Variants in IL17RA observed in about 807,000 individuals in gnomAD.
IL17RA encodes the protein interleukin-17 receptor A.
In IL17RA, 34 loss-of-function variants were observed where a neutral mutation model predicts 50.4. The observed-to-expected ratio is 0.67, with a 90% CI of 0.51 to 0.90. The LOEUF (loss-of-function observed/expected upper bound fraction) is 0.90, where lower values mean the gene tolerates loss of function less well. Ranked by LOEUF, IL17RA falls within the 40% of genes least tolerant of loss-of-function variation. IL17RA has a pLI of 0.00. For missense variants in IL17RA, 1,276 were observed against 1,169.8 expected (o/e 1.09, Z -1.32); for synonymous variants, 585 against 510.4 (o/e 1.15, Z -1.97).
intron 1 of IL17RA, among the ~76,000 whole-genome samples, chr22:17,094,677 C>A (rs1272530928): frequency 0.15 from 7,300 of 48,238 alleles, 1,289 homozygotes; most frequent in Middle Eastern, 0.23. Flanking sequence ...CTCTCTCTCT[C>A]TCTCTCTCTC....
At chr22:17,090,535 C>T (rs1290222619) in intron 1 of IL17RA, among the ~76,000 whole-genome samples, 1 of 152,152 alleles carries the variant, frequency 6.6e-6, no homozygotes, top group Non-Finnish European at 1.5e-5. Context: ...CTGCGCCACC[C>T]CTAAACCTGC....
intron 1 of IL17RA, among the ~76,000 whole-genome samples, chr22:17,086,235 C>G (rs1458185160): frequency 6.6e-6 from 1 of 152,256 alleles, no homozygotes; most frequent in East Asian, 1.9e-4. Flanking sequence ...CCACCTCCAC[C>G]TCCACCTCCA....
Position 17,108,683 on chromosome 22 carries a change from G to C in IL17RA, c.1464G>C (p.Pro488=). ...CTGCAGCCATGAACATGATCCTCCC[G>C]GACTTCAAGAGGCCAGCCTGCTTCG... ...LFTAAMNMIL[P]DFKRPACFGT... Residue 488 remains proline (P), a synonymous_variant, in exon 13 of 13, where the codon CCG becomes CCC. Transcript: ENST00000319363. The C allele has an allele frequency of 6.2e-7, 1 of 1,608,742 alleles. No homozygotes were observed. Among genetic ancestry groups the C allele is most frequent in the South Asian group, 1.1e-5 (1 of 91,072 alleles).
chr22:17,087,483 CAG>C (rs1400950631), intron 1 of IL17RA, among the ~76,000 whole-genome samples: 1 of 152,236 alleles, frequency 6.6e-6, no homozygotes, highest in Non-Finnish European at 1.5e-5. Flanking sequence ...GTTCCTAGCT[CAG>C]TGCTGGAGCA....
intron 1 of IL17RA, among the ~76,000 whole-genome samples, chr22:17,086,580 TATAA>T (rs936679703): frequency 1.3e-5 from 2 of 152,124 alleles, no homozygotes; most frequent in African/African-American, 4.8e-5. Flanking sequence ...GAACTGGAAC[TATAA>T]ATAAATACTC....
At chr22:17,094,476 A>G (rs181798475) in intron 1 of IL17RA, among the ~76,000 whole-genome samples, 9 of 151,162 alleles carry the variant, frequency 6.0e-5, no homozygotes, top group African/African-American at 1.7e-4. Context: ...TCAATGCGCT[A>G]TTACCTCTAA....
At chr22:17,094,654 A>ACT (rs774982179) in intron 1 of IL17RA, among the ~76,000 whole-genome samples, 60 of 21,602 alleles carry the variant, frequency 2.8e-3, no homozygotes, top group African/African-American at 6.1e-3. Flanking sequence ...AGTCATACAC[A>ACT]CACTCTCTCT....
intron 1 of IL17RA, among the ~76,000 whole-genome samples, chr22:17,090,317 T>C (rs2061343824): frequency 1.3e-5 from 2 of 152,176 alleles, no homozygotes; most frequent in African/African-American, 4.8e-5. Context: ...AGCCATGAAA[T>C]TAAATTATAA....
chr22:17,091,632 C>T lies in IL17RA; in HGVS notation c.139-5430C>T, dbSNP rs1203145972. ...GGCGGGGCTTGCAGTGAGCTGAGAT[C>T]GCACCACTGCACTCCAGCCTGGGTG... On this transcript the variant is annotated intron_variant, in intron 1 of 12. Coordinates refer to ENST00000319363, the MANE Select transcript of IL17RA (RefSeq NM_014339.7). Among the ~76,000 whole-genome samples, 3 of 151,590 alleles carry T rather than the reference C, an allele frequency of 2.0e-5. No homozygotes were observed. The South Asian group carries it at 6.2e-4, about 31-fold the overall frequency.
intron 11 of IL17RA, among the ~76,000 whole-genome samples, chr22:17,106,961 T>C (rs951269055): frequency 2.6e-5 from 4 of 152,208 alleles, no homozygotes; most frequent in Non-Finnish European, 5.9e-5. Flanking sequence ...GTTATTTGGC[T>C]GTCTTGTGAC....
intron 1 of IL17RA, among the ~76,000 whole-genome samples, chr22:17,094,232 T>C (rs2061357698): frequency 1.3e-5 from 2 of 151,994 alleles, no homozygotes; most frequent in African/African-American, 4.8e-5. Context: ...GTGATCCACC[T>C]ACCTCAGCCT....
chr22:17,097,897 A>G lies in IL17RA; in HGVS notation c.264A>G (p.Gly88=). Residue 88 remains glycine (G), a synonymous_variant, in exon 3 of 13, where the codon GGA becomes GGG. Coordinates refer to ENST00000319363, the MANE Select transcript of IL17RA (RefSeq NM_014339.7). ...IQLHFAHTQQ[G]DLFPVAHIEW... ...TGCACTTTGCCCACACCCAACAAGGAGACCTGTTCCCCGTGGCTCACATCG... is the reference window on the plus strand; with the variant it reads ...TGCACTTTGCCCACACCCAACAAGGGGACCTGTTCCCCGTGGCTCACATCG... 6.2e-7 allele frequency: 1 copy of G among 1,614,200 alleles called. No individual in the cohort carries two copies. The highest frequency in any genetic ancestry group is 8.5e-7 in the Non-Finnish European group (1 of 1,180,028).
chr22:17,097,999 TC>T, intron 3 of IL17RA, 56 bp downstream of exon 3: 1 of 1,607,740 alleles, frequency 6.2e-7, no homozygotes, highest in Non-Finnish European at 8.5e-7. Flanking sequence ...CAAGTGGCTC[TC>T]CCAGTCAGGC....
rs570899104 is a variant in IL17RA, at chr22:17,113,699, A to C, written c.*3879A>C. 6.6e-6 allele frequency: 1 copy of C among 152,344 alleles called. No individual in the cohort carries two copies. Among genetic ancestry groups the C allele is most frequent in the Admixed American group, 6.5e-5 (1 of 15,302 alleles). The allele number at this position is 152,344 out of a possible 1,614,324, so 9.4% of individuals were successfully genotyped here. A position where few individuals can be genotyped will look rare whatever the true frequency, so the allele number is the denominator to read the frequency against. Reference sequence around the variant, plus strand: ...CCAGCAAGGCCCGGGGCACCTGAGGACAGAGTGAGATGGAGGGCCGCTGCT... The same window carrying C: ...CCAGCAAGGCCCGGGGCACCTGAGGCCAGAGTGAGATGGAGGGCCGCTGCT... On this transcript the variant is annotated 3_prime_UTR_variant, in exon 13 of 13. Transcript: ENST00000319363.
Position 17,093,445 on chromosome 22 carries a change from AGG to A in IL17RA, c.139-3614_139-3613del, listed in dbSNP as rs1270573667. Among the ~76,000 whole-genome samples, 4 of 152,154 alleles carry A rather than the reference AGG, an allele frequency of 2.6e-5. No individual in the cohort carries two copies. In the East Asian group the frequency reaches 7.7e-4, roughly 29 times the overall value. On this transcript the variant is annotated intron_variant, in intron 1 of 12. Transcript: ENST00000319363. ...AAGCCCTGAACGTTATAAGGTTCTGAGGGGCCCCTGGCCTCCTTATCAATAAC... is the reference window on the plus strand; with the variant it reads ...AAGCCCTGAACGTTATAAGGTTCTGAGGCCCCTGGCCTCCTTATCAATAAC...
chr22:17,086,101 G>A (rs180785585), intron 1 of IL17RA, among the ~76,000 whole-genome samples: 2 of 152,088 alleles, frequency 1.3e-5, no homozygotes, highest in African/African-American at 2.4e-5. Flanking sequence ...CCGCCTGCCG[G>A]GTAGTGGCCT....
chr22:17,100,264 C>T (rs556807061), intron 4 of IL17RA, 91 bp from the exon 5 acceptor site: 25 of 1,487,812 alleles, frequency 1.7e-5, no homozygotes, highest in South Asian at 5.7e-5. Flanking sequence ...GCTGAATATT[C>T]GGGAGTGGGT....
chr22:17,091,224 T>C (rs932863413), intron 1 of IL17RA, among the ~76,000 whole-genome samples: 7 of 152,226 alleles, frequency 4.6e-5, no homozygotes, highest in African/African-American at 1.7e-4. Context: ...GGAACATATA[T>C]GTTAAGTCTT....
intron 1 of IL17RA, among the ~76,000 whole-genome samples, chr22:17,086,354 G>A (rs550585015): frequency 2.0e-4 from 29 of 143,840 alleles, no homozygotes; most frequent in African/African-American, 6.4e-4. Flanking sequence ...AAGGTGGAGG[G>A]TGAGTGACTA....
Sources: gnomAD v4.1 joint callset for allele counts (sites outside exome capture counted in the v4.1 genomes callset) on GRCh38, gnomAD v4.1.1 for gene constraint, MANE v1.5 for transcripts, NCBI Gene and HGNC (gene_info 2026-07-23, HGNC 2026-07-21) for gene names.